The following SLC6A16 variants were observed in gnomAD, a reference collection of about 807,000 sequenced individuals.
SLC6A16 encodes the protein orphan sodium- and chloride-dependent neurotransmitter transporter NTT5.
SLC6A16 carries 54 observed loss-of-function variants against 65.4 expected under a neutral mutation model. The ratio of observed to expected loss-of-function variants is 0.83; its 90% confidence interval spans 0.66 to 1.04. The LOEUF (loss-of-function observed/expected upper bound fraction) is 1.04. Ranked by LOEUF, SLC6A16 falls within the 50% of genes least tolerant of loss-of-function variation. The pLI is 0.00. For missense variants in SLC6A16, 816 were observed against 914.0 expected, an observed-to-expected ratio of 0.89 and a Z score of 1.38; for synonymous variants, 330 against 346.5, an observed-to-expected ratio of 0.95 and a Z score of 0.53.
At chr19:49,296,082 C>T (rs1207705032) in intron 7 of SLC6A16, among the ~76,000 whole-genome samples, 1 of 152,174 alleles carries the variant, frequency 6.6e-6, no homozygotes, top group East Asian at 1.9e-4. Flanking sequence ...CTCCGCCTCC[C>T]AGGTTCGAGC....
chr19:49,289,877 A>G lies in SLC6A16; in HGVS notation c.*246T>C. The stretch of plus-strand genomic sequence containing the variant: ...CTGGTAGACATCACTAGTATTGTAT[A>G]TGTGTTGTGCATGTATGTGTGTTGA... On this transcript the variant is annotated 3_prime_UTR_variant, in exon 12 of 12. Coordinates refer to ENST00000335875, the MANE Select transcript of SLC6A16 (RefSeq NM_014037.3). The G allele has an allele frequency of 1.9e-6, 1 of 533,658 alleles. No individual in the cohort carries two copies. The highest frequency in any genetic ancestry group is 3.3e-6 in the Non-Finnish European group (1 of 298,652). The allele number at this position is 533,658 out of a possible 1,614,324, so 33.1% of individuals were successfully genotyped here. A position where few individuals can be genotyped will look rare whatever the true frequency, so the allele number is the denominator to read the frequency against.
chr19:49,312,460 C>G, intron 1 of SLC6A16: 1 of 578,344 alleles, frequency 1.7e-6, no homozygotes, highest in Non-Finnish European at 2.2e-6. Flanking sequence ...TTAATTTATT[C>G]ATTGTCCATC....
chr19:49,333,241 G>A, the SLC6A16 span, among the ~76,000 whole-genome samples: 2 of 152,078 alleles, frequency 1.3e-5, no homozygotes, highest in South Asian at 4.2e-4. Context: ...GGGAGGCCGA[G>A]GTGAGCGGAT....
chr19:49,313,691 G>A (rs1424264048), intron 1 of SLC6A16, among the ~76,000 whole-genome samples: 2 of 151,866 alleles, frequency 1.3e-5, no homozygotes, highest in African/African-American at 4.8e-5. Flanking sequence ...AGTTACTAGG[G>A]AGGCTGACTT....
the SLC6A16 span, chr19:49,339,413 G>A: frequency 1.6e-5 from 26 of 1,613,280 alleles, no homozygotes; most frequent in Admixed American, 4.2e-4. The surrounding 1 kb of genome is among the most constrained non-coding windows in gnomAD (Gnocchi z 4.5). Context: ...GCCTACTCGA[G>A]GTGATCTGGC....
At chr19:49,303,241 G>C (rs1393057798) in intron 7 of SLC6A16, among the ~76,000 whole-genome samples, 1 of 152,158 alleles carries the variant, frequency 6.6e-6, no homozygotes, top group Non-Finnish European at 1.5e-5. Flanking sequence ...TCACATATAA[G>C]GGAGCCCCAG....
intron 7 of SLC6A16, among the ~76,000 whole-genome samples, chr19:49,301,376 A>T (rs1427221496): frequency 1.3e-5 from 2 of 152,134 alleles, no homozygotes; most frequent in African/African-American, 2.4e-5. Context: ...GCCGAGACTT[A>T]CGGAGATAAT....
chr19:49,322,369 G>A (rs181322649), intron 1 of SLC6A16, among the ~76,000 whole-genome samples: 396 of 152,154 alleles, frequency 2.6e-3, no homozygotes, highest in African/African-American at 8.4e-3. Context: ...GGCTGGGCAC[G>A]GTGGCTCAAG....
chr19:49,299,344 A>G (rs1205311698), intron 7 of SLC6A16, among the ~76,000 whole-genome samples: 1 of 151,892 alleles, frequency 6.6e-6, no homozygotes, highest in Non-Finnish European at 1.5e-5. Context: ...ACTTGATGTC[A>G]GGAATTCGAG....
Position 49,309,015 on chromosome 19 carries a change from T to A in SLC6A16, c.1090A>T (p.Met364Leu), listed in dbSNP as rs947265293. ...LGSVASLASY[M>L]PQSNNCLSDA... ...CTGAGACAGTTGTTGGACTGGGGCATGTAGGAGGCTAAGGAGGCAACGGAG... is the reference window on the plus strand; with the variant it reads ...CTGAGACAGTTGTTGGACTGGGGCAAGTAGGAGGCTAAGGAGGCAACGGAG... Residue 364 changes from methionine (M) to leucine (L), a missense_variant, in exon 7 of 12, where the codon ATG becomes TTG. Coordinates refer to ENST00000335875, the MANE Select transcript of SLC6A16 (RefSeq NM_014037.3). 6.2e-7 allele frequency: 1 copy of A among 1,614,040 alleles called. No individual in the cohort carries two copies. Among genetic ancestry groups the A allele is most frequent in the Non-Finnish European group, 8.5e-7 (1 of 1,179,942 alleles).
chr19:49,338,999 TGTCA>T, the SLC6A16 span: 13 of 1,280,028 alleles, frequency 1.0e-5, no homozygotes, highest in African/African-American at 1.9e-4. This position sits in a 1 kb window ranked among gnomAD's most constrained non-coding sequence, Gnocchi z 5.0. Flanking sequence ...GGGGGAGGGC[TGTCA>T]GTGAGTAGCG....
chr19:49,339,423 C>T, the SLC6A16 span: 9 of 1,611,448 alleles, frequency 5.6e-6, no homozygotes, highest in Non-Finnish European at 7.6e-6. The surrounding 1 kb of genome is among the most constrained non-coding windows in gnomAD (Gnocchi z 4.5). Flanking sequence ...GGTGATCTGG[C>T]CCCGCCCCCA....
the SLC6A16 span, chr19:49,339,201 T>A: frequency 1.2e-6 from 1 of 824,232 alleles, no homozygotes; most frequent in Non-Finnish European, 2.0e-6. The surrounding 1 kb of genome is among the most constrained non-coding windows in gnomAD (Gnocchi z 4.5). Context: ...GTAAGGAGAC[T>A]AGAGTGCCCT....
intron 1 of SLC6A16, chr19:49,312,559 C>G: frequency 1.0e-6 from 1 of 985,028 alleles, no homozygotes; most frequent in Non-Finnish European, 1.2e-6. Flanking sequence ...GTTCCCGCCA[C>G]TCTGAACTTC....
At chr19:49,302,590 A>G (rs993530698) in intron 7 of SLC6A16, among the ~76,000 whole-genome samples, 5 of 152,238 alleles carry the variant, frequency 3.3e-5, no homozygotes, top group African/African-American at 1.2e-4. Context: ...GAATTGGAGA[A>G]TCATGATAAC....
chr19:49,339,771 C>A, the SLC6A16 span: 4 of 1,363,616 alleles, frequency 2.9e-6, no homozygotes, highest in Non-Finnish European at 2.8e-6. This position sits in a 1 kb window ranked among gnomAD's most constrained non-coding sequence, Gnocchi z 4.5. Flanking sequence ...TGATCGCTGA[C>A]GGCGGCGGCG....
At chr19:49,333,552 TG>T in the SLC6A16 span, among the ~76,000 whole-genome samples, 1 of 152,260 alleles carries the variant, frequency 6.6e-6, no homozygotes, top group Admixed American at 6.5e-5. Context: ...GGCTCAGGAC[TG>T]GGTTTCAAAA....
chr19:49,307,678 T>TA (rs74182048), intron 7 of SLC6A16, among the ~76,000 whole-genome samples: 48 of 110,862 alleles, frequency 4.3e-4, no homozygotes, highest in Middle Eastern at 4.1e-3. Context: ...AAATTTAAAT[T>TA]AAAAAAAAAA....
Position 49,308,792 on chromosome 19 carries a change from G to A in SLC6A16, c.1229+84C>T, listed in dbSNP as rs769205784. 4.5e-6 allele frequency: 7 copies of A among 1,547,614 alleles called. No individual in the cohort carries two copies. The South Asian group carries it at 8.3e-5, about 18-fold the overall frequency. The stretch of plus-strand genomic sequence containing the variant: ...CCAAGGTTGAAATGTGTGAACATGG[G>A]TCTTTGCAGCACCTTTAAGGTTAGG... On this transcript the variant is annotated intron_variant, in intron 7 of 11. Transcript: ENST00000335875.
Sources: gnomAD v4.1 joint callset for allele counts (sites outside exome capture counted in the v4.1 genomes callset) on GRCh38, gnomAD v4.1.1 for gene constraint, Gnocchi (gnomAD v3.1) non-coding constraint, MANE v1.5 for transcripts, NCBI Gene and HGNC (gene_info 2026-07-23, HGNC 2026-07-21) for gene names.